The following EIF2B5 variants were observed in gnomAD, a reference collection of about 807,000 sequenced individuals.
The protein encoded by EIF2B5 is translation initiation factor eIF2B subunit epsilon.
A neutral mutation model predicts 87.3 loss-of-function variants in EIF2B5; 38 were observed. The observed-to-expected ratio is 0.44, with a 90% CI of 0.34 to 0.57. EIF2B5 has a LOEUF of 0.57. EIF2B5 is among the 20% of genes least tolerant of loss of function. The pLI is 0.02. For synonymous variants in EIF2B5, 313 were observed against 339.6 expected, an observed-to-expected ratio of 0.92 and a Z score of 0.86; for missense variants, 784 against 909.5, an observed-to-expected ratio of 0.86 and a Z score of 1.78.
At chr3:184,137,502 A>G in intron 2 of EIF2B5, 118 bp from the exon 3 acceptor site, 1 of 979,110 alleles carries the variant, frequency 1.0e-6, no homozygotes, top group South Asian at 1.3e-5. Flanking sequence ...GACGCTGGCA[A>G]GAACCCAAAA....
At chr3:184,135,994 A>ATT (rs1157015328) in intron 1 of EIF2B5, 45 of 220,654 alleles carry the variant, frequency 2.0e-4, no homozygotes, top group South Asian at 1.7e-3. Context: ...CAGGCAGTGT[A>ATT]TTTTTTTTTT....
chr3:184,138,929 T>C, intron 5 of EIF2B5: 1 of 281,758 alleles, frequency 3.5e-6, no homozygotes, highest in South Asian at 2.7e-5. Context: ...TCCAAAATGC[T>C]GGGATTACAG....
intron 7 of EIF2B5, among the ~76,000 whole-genome samples, chr3:184,141,586 G>C (rs973694283): frequency 2.6e-5 from 4 of 151,884 alleles, no homozygotes; most frequent in Admixed American, 2.0e-4. Flanking sequence ...AAAAAGACTT[G>C]GTTTCTAAAA....
chr3:184,140,903 A>G (rs1180388546), intron 7 of EIF2B5, 173 bp downstream of exon 7: 1 of 730,408 alleles, frequency 1.4e-6, no homozygotes, highest in Non-Finnish European at 2.3e-6. Flanking sequence ...GCGATACCTT[A>G]ATTTGTAGCC....
Position 184,143,505 on chromosome 3 carries a change from C to G in EIF2B5, c.1809C>G (p.Phe603Leu). The G allele has an allele frequency of 6.2e-7, 1 of 1,614,152 alleles. No homozygotes were observed. Among genetic ancestry groups the G allele is most frequent in the South Asian group, 1.1e-5 (1 of 91,080 alleles). The change falls in exon 13 of 16, where the codon TTC becomes TTG. Residue 603 changes from phenylalanine (F) to leucine (L), a missense_variant. Physicochemically the swap from Phe to Leu is conservative, Grantham distance 22 (BLOSUM62 0). Transcript: ENST00000648915. ...TACTGAGCCACGTGGTCCTGGAGTT[C>G]CCCCTGCAACAGATGGATTCCCCGC... ...MQVLSHVVLE[F>L]PLQQMDSPLD...
intron 12 of EIF2B5, 149 bp downstream of exon 12, chr3:184,143,291 A>C (rs972787421): frequency 4.1e-6 from 6 of 1,476,830 alleles, no homozygotes; most frequent in Non-Finnish European, 5.6e-6. Flanking sequence ...AGCATTATTA[A>C]GTTCTAGCCT....
At chr3:184,136,838 A>C in intron 2 of EIF2B5, 102 bp downstream of exon 2, 3 of 1,516,626 alleles carry the variant, frequency 2.0e-6, no homozygotes, top group Non-Finnish European at 2.7e-6. Flanking sequence ...AAATGTGTCT[A>C]CTTAGATGTC....
chr3:184,138,142 A>G, intron 4 of EIF2B5, 24 bp from the exon 5 acceptor site: 1 of 1,614,140 alleles, frequency 6.2e-7, no homozygotes, highest in Non-Finnish European at 8.5e-7. Context: ...AACAAATTAA[A>G]GTCCTTGTAA....
At chr3:184,138,312 CT>C in intron 5 of EIF2B5, 66 bp downstream of exon 5, 1 of 1,354,996 alleles carries the variant, frequency 7.4e-7, no homozygotes, top group Non-Finnish European at 1.1e-6. Flanking sequence ...TTATTGTCCC[CT>C]TAGAAGGCCA....
intron 13 of EIF2B5, 92 bp from the exon 14 acceptor site, chr3:184,144,006 TG>T: frequency 6.3e-7 from 1 of 1,575,398 alleles, no homozygotes; most frequent in Non-Finnish European, 8.7e-7. Flanking sequence ...ATCTCCCTTT[TG>T]TCCACCCATG....
chr3:184,138,625 G>C (rs1157226174), intron 5 of EIF2B5, among the ~76,000 whole-genome samples: 2 of 151,064 alleles, frequency 1.3e-5, no homozygotes, highest in Non-Finnish European at 2.9e-5. Context: ...AAAGTGCTGG[G>C]ATTACAGGCA....
chr3:184,138,072 T>C lies in EIF2B5; in HGVS notation c.681T>C (p.Pro227=), dbSNP rs764309765. Residue 227 remains proline, a synonymous_variant, in exon 4 of 16, where the codon CCT becomes CCC. Coordinates refer to ENST00000648915, the MANE Select transcript of EIF2B5 (RefSeq NM_003907.3). ...AGGGTCTCCGGCGTTTTGCATTTCCTCTGGTGTGTGGATATCTGGGGTCCT... is the reference window on the plus strand; with the variant it reads ...AGGGTCTCCGGCGTTTTGCATTTCCCCTGGTGTGTGGATATCTGGGGTCCT... The part of the protein sequence containing the change: ...KTQGLRRFAF[P]LSLFQGSSDG... 1.2e-6 allele frequency: 2 copies of C among 1,614,124 alleles called. No individual in the cohort carries two copies. The highest frequency in any genetic ancestry group is 8.5e-7 in the Non-Finnish European group (1 of 1,180,028).
chr3:184,143,705 G>A (rs532610531), intron 13 of EIF2B5, 140 bp downstream of exon 13: 8 of 1,331,552 alleles, frequency 6.0e-6, no homozygotes, highest in Admixed American at 3.9e-5. Context: ...CTCTAGAGCA[G>A]CCTTGGCTGG....
intron 1 of EIF2B5, chr3:184,135,814 A>G: frequency 1.7e-6 from 1 of 604,622 alleles, no homozygotes; most frequent in South Asian, 2.0e-5. Context: ...GAATGAAGAG[A>G]GCTAAATGTA....
chr3:184,139,927 GC>G (rs754565325), intron 5 of EIF2B5, among the ~76,000 whole-genome samples, 152 bp from the exon 6 acceptor site: 1 of 151,520 alleles, frequency 6.6e-6, no homozygotes, highest in Non-Finnish European at 1.5e-5. Context: ...GGAGGCTGAG[GC>G]ACAAGAATCA....
chr3:184,142,587 GC>G lies in EIF2B5; in HGVS notation c.1531del (p.Gln511SerfsTer48). 6.2e-7 allele frequency: 1 copy of G among 1,613,966 alleles called. No homozygotes were observed. The highest frequency in any genetic ancestry group is 8.5e-7 in the Non-Finnish European group (1 of 1,179,930). ...GMNMEEEEEL[Q>X]QNLWGLKINM... ...TGAACATGGAGGAAGAGGAGGAACT[GC>G]AGCAGAATCTGTGGGGTGAGCTAGG... On this transcript the variant is annotated frameshift_variant, in exon 10 of 16. Coordinates refer to ENST00000648915, the MANE Select transcript of EIF2B5 (RefSeq NM_003907.3). LOFTEE classifies it high-confidence loss of function. The surrounding 1 kb of genome is among the most constrained non-coding windows in gnomAD (Gnocchi z 5.0).
Position 184,144,941 on chromosome 3 carries a change from T to C in EIF2B5, c.2164T>C (p.Ter722ArgextTer11). ...AGAAGAGGAGTCATCTGAAGATGAC[T>C]GAAGTCACACTGCCTGCTCCTTTGG... Reference protein sequence around the residue: ...EAEEESSEDD* With the variant: ...EAEEESSEDDR The change falls in exon 16 of 16, where the codon TGA becomes CGA. Residue 722 changes from the stop codon to arginine (R), a stop_lost. Coordinates refer to ENST00000648915, the MANE Select transcript of EIF2B5 (RefSeq NM_003907.3). The C allele has an allele frequency of 6.2e-7, 1 of 1,613,524 alleles. No individual in the cohort carries two copies. Among genetic ancestry groups the C allele is most frequent in the Non-Finnish European group, 8.5e-7 (1 of 1,179,970 alleles).
chr3:184,136,556 T>C, intron 1 of EIF2B5, 56 bp from the exon 2 acceptor site: 1 of 1,610,586 alleles, frequency 6.2e-7, no homozygotes, highest in Non-Finnish European at 8.5e-7. Flanking sequence ...ATTGTTGCAG[T>C]GGGGTACCCA....
Position 184,140,141 on chromosome 3 carries a change from T to C in EIF2B5, c.827T>C (p.Leu276Pro). The change falls in exon 6 of 16, where the codon CTC becomes CCC. Residue 276 changes from leucine to proline, a missense_variant. Around this residue, in one of 3 missense-constraint regions of EIF2B5, gnomAD observed 660 missense variants for 789.5 expected, o/e 0.84. Coordinates refer to ENST00000648915, the MANE Select transcript of EIF2B5 (RefSeq NM_003907.3). ...YQTRDDFVRGLLVNEEILGNQ... is the reference protein window; with the variant it reads ...YQTRDDFVRGPLVNEEILGNQ... ...ACTCGAGATGACTTTGTGCGAGGTC[T>C]CTTAGTGAATGAGGAGGTGAGAAAA... The C allele has an allele frequency of 2.5e-6, 4 of 1,613,996 alleles. No individual in the cohort carries two copies. Among genetic ancestry groups the C allele is most frequent in the Non-Finnish European group, 3.4e-6 (4 of 1,179,892 alleles).
Sources: gnomAD v4.1 joint callset for allele counts (sites outside exome capture counted in the v4.1 genomes callset) on GRCh38, gnomAD v4.1.1 for gene constraint, gnomAD v4.1.1 regional missense constraint, Gnocchi (gnomAD v3.1) non-coding constraint, MANE v1.5 for transcripts, NCBI Gene and HGNC (gene_info 2026-07-23, HGNC 2026-07-21) for gene names.